The following RIMS1 variants were observed in gnomAD, a reference collection of about 807,000 sequenced individuals.
The protein encoded by RIMS1 is regulating synaptic membrane exocytosis protein 1.
A neutral mutation model predicts 214.1 loss-of-function variants in RIMS1; 83 were observed. The observed-to-expected ratio is 0.39, with a 90% CI of 0.32 to 0.47. The LOEUF (loss-of-function observed/expected upper bound fraction) is 0.47, where lower values mean the gene tolerates loss of function less well. Among genes scored for constraint, RIMS1 ranks in the 20% least tolerant of loss-of-function variants. RIMS1 has a pLI of 0.99. For missense variants in RIMS1, 2,050 were observed against 2,161.8 expected, an observed-to-expected ratio of 0.95 and a Z score of 1.03; for synonymous variants, 793 against 786.8, an observed-to-expected ratio of 1.01 and a Z score of -0.13.
At chr6:72,074,233 C>A (rs1364144189) in intron 2 of RIMS1, among the ~76,000 whole-genome samples, 1 of 151,980 alleles carries the variant, frequency 6.6e-6, no homozygotes, top group Non-Finnish European at 1.5e-5. Flanking sequence ...AATAAGATAC[C>A]CACAAAGCAA....
At position 72,324,825 on chromosome 6, in the gene RIMS1, C is replaced by A. The variant is rs773979497; in HGVS notation, c.4131-8775C>A. Among the ~76,000 whole-genome samples the A allele has an allele frequency of 7.9e-5, 12 of 151,716 alleles. 1 individual carries two copies. Among genetic ancestry groups the A allele is most frequent in the Non-Finnish European group, 1.0e-4 (7 of 67,848 alleles). On this transcript the variant is annotated intron_variant, in intron 28 of 33. Coordinates refer to ENST00000521978, the MANE Select transcript of RIMS1 (RefSeq NM_014989.7). ...ATATCGTCTATGGCTGTTTTCCCGC[C>A]ACAACAATTGAGTGGTTGCAACAGA...
intron 4 of RIMS1, among the ~76,000 whole-genome samples, chr6:72,152,107 A>G (rs893788365): frequency 1.2e-4 from 19 of 152,178 alleles, no homozygotes; most frequent in African/African-American, 4.6e-4. Flanking sequence ...GCCCCACCTC[A>G]AATATGAGGG....
chr6:72,378,968 G>A (rs1208146095), intron 29 of RIMS1, among the ~76,000 whole-genome samples: 1 of 152,186 alleles, frequency 6.6e-6, no homozygotes, highest in East Asian at 1.9e-4. Context: ...CTGAGACTTT[G>A]TGGGGAAGAA....
At chr6:72,131,891 G>A (rs1308836217) in intron 4 of RIMS1, among the ~76,000 whole-genome samples, 1 of 152,098 alleles carries the variant, frequency 6.6e-6, no homozygotes, top group African/African-American at 2.4e-5. Flanking sequence ...TCTTTCCCAG[G>A]GATGTTCCTT....
chr6:71,997,392 A>G (rs921921281), intron 2 of RIMS1, among the ~76,000 whole-genome samples: 1 of 152,236 alleles, frequency 6.6e-6, no homozygotes, highest in East Asian at 1.9e-4. Flanking sequence ...AAAATTCAAA[A>G]GGAATGCAAA....
intron 6 of RIMS1, among the ~76,000 whole-genome samples, chr6:72,204,251 C>T (rs1344705548): frequency 6.6e-6 from 1 of 152,184 alleles, no homozygotes; most frequent in African/African-American, 2.4e-5. Context: ...AAGTATTGCT[C>T]AGAGTCTTGA....
chr6:72,133,711 T>C (rs1301586497), intron 4 of RIMS1, among the ~76,000 whole-genome samples: 2 of 152,188 alleles, frequency 1.3e-5, no homozygotes, highest in African/African-American at 4.8e-5. Flanking sequence ...TTTTTGTTTG[T>C]TTGTTCTTGG....
At chr6:72,152,494 T>C (rs2043750654) in intron 4 of RIMS1, among the ~76,000 whole-genome samples, 1 of 152,066 alleles carries the variant, frequency 6.6e-6, no homozygotes, top group African/African-American at 2.4e-5. Context: ...ATGGTTCTGT[T>C]CTCCAACTGT....
At chr6:71,973,010 G>A (rs941902890) in intron 2 of RIMS1, among the ~76,000 whole-genome samples, 1 of 152,018 alleles carries the variant, frequency 6.6e-6, no homozygotes, top group Non-Finnish European at 1.5e-5. Flanking sequence ...CTGCCTCCCG[G>A]GTTCAAGTGA....
intron 26 of RIMS1, among the ~76,000 whole-genome samples, chr6:72,299,293 A>G (rs928979422): frequency 2.6e-5 from 4 of 151,938 alleles, no homozygotes; most frequent in African/African-American, 7.2e-5. Flanking sequence ...AACAAAACAC[A>G]TCATATTATC....
intron 6 of RIMS1, among the ~76,000 whole-genome samples, chr6:72,226,986 A>G (rs1006362269): frequency 1.3e-5 from 2 of 152,028 alleles, no homozygotes; most frequent in East Asian, 3.9e-4. Context: ...CTTATTTTGT[A>G]AAAGAGGACA....
At chr6:72,094,108 G>A (rs1562296113) in intron 2 of RIMS1, among the ~76,000 whole-genome samples, 1 of 151,794 alleles carries the variant, frequency 6.6e-6, no homozygotes, top group Non-Finnish European at 1.5e-5. Flanking sequence ...GAACTTGTTT[G>A]TAAGTTGTAT....
chr6:71,938,637 C>T (rs4707956), intron 1 of RIMS1, among the ~76,000 whole-genome samples: 15 of 151,910 alleles, frequency 9.9e-5, no homozygotes, highest in Non-Finnish European at 2.2e-4. Flanking sequence ...GGAGCAGAAA[C>T]CTGAGGTGGC....
chr6:72,072,588 G>A (rs1830815055), intron 2 of RIMS1, among the ~76,000 whole-genome samples: 1 of 152,120 alleles, frequency 6.6e-6, no homozygotes, highest in African/African-American at 2.4e-5. Flanking sequence ...ATGCTTGCTA[G>A]AACAACATTC....
intron 4 of RIMS1, among the ~76,000 whole-genome samples, chr6:72,126,395 T>G (rs1235449471): frequency 1.3e-5 from 2 of 151,824 alleles, no homozygotes; most frequent in African/African-American, 4.8e-5. Flanking sequence ...CAAAAGCAAA[T>G]GCAACAAAAA....
intron 6 of RIMS1, among the ~76,000 whole-genome samples, chr6:72,198,484 C>T (rs1266200392): frequency 6.6e-6 from 1 of 151,654 alleles, no homozygotes; most frequent in Non-Finnish European, 1.5e-5. Flanking sequence ...GTGATAATTA[C>T]CAGACATGGG....
chr6:71,978,732 G>A (rs1460737534), intron 2 of RIMS1, among the ~76,000 whole-genome samples: 1 of 151,954 alleles, frequency 6.6e-6, no homozygotes, highest in East Asian at 1.9e-4. Context: ...TTCGTTAAAA[G>A]TTGTTTTCAC....
At chr6:72,196,100 C>A (rs138322396) in intron 6 of RIMS1, among the ~76,000 whole-genome samples, 2 of 152,166 alleles carry the variant, frequency 1.3e-5, no homozygotes, top group East Asian at 3.9e-4. Context: ...GACACAAAGC[C>A]TAACCATATC....
At chr6:72,034,695 T>C (rs1819102156) in intron 2 of RIMS1, among the ~76,000 whole-genome samples, 1 of 152,080 alleles carries the variant, frequency 6.6e-6, no homozygotes, top group African/African-American at 2.4e-5. Flanking sequence ...TCACTTTGTC[T>C]AAGTAATTTT....
Sources: allele counts gnomAD v4.1 joint callset (sites outside exome capture counted in the v4.1 genomes callset), GRCh38; gene constraint gnomAD v4.1.1; transcripts MANE v1.5; gene names NCBI Gene and HGNC (gene_info 2026-07-23, HGNC 2026-07-21).